SLC16A2: variants seen among roughly 807,000 people sequenced by gnomAD.
The protein encoded by SLC16A2 is solute carrier family 16 member 2.
In SLC16A2, 3 loss-of-function variants were observed where a neutral mutation model predicts 27.2. The ratio of observed to expected loss-of-function variants is 0.11; its 90% CI spans 0.05 to 0.28. The LOEUF (loss-of-function observed/expected upper bound fraction) is 0.28, where lower values mean the gene tolerates loss of function less well. Ranked by LOEUF, SLC16A2 falls within the 10% of genes least tolerant of loss-of-function variation. The probability of loss-of-function intolerance (pLI) is 1.00; values close to 1 mark genes in which losing one functional copy is unlikely to be tolerated. For synonymous variants in SLC16A2, 202 were observed against 187.8 expected, an observed-to-expected ratio of 1.08 and a Z score of -0.62; for missense variants, 295 against 458.5, an observed-to-expected ratio of 0.64 and a Z score of 3.26.
rs1409778783 is a variant in SLC16A2 at position 74,514,532 on chromosome X, C to G, written c.431-6458C>G. On this transcript the variant is annotated intron_variant, in intron 1 of 5. Transcript: ENST00000587091. ...GGAAGCCAGGAATTTCTTCCCCTCTCAGCAGTAACAAGGCCTACCCCTCCC... is the reference window on the plus strand; with the variant it reads ...GGAAGCCAGGAATTTCTTCCCCTCTGAGCAGTAACAAGGCCTACCCCTCCC... 3.6e-5 allele frequency among the ~76,000 whole-genome samples: 4 copies of G among 111,248 alleles called. No individual in the cohort carries two copies. In the East Asian group the frequency reaches 1.1e-3, roughly 32 times the overall value.
chrX:74,439,158 CTCTT>C (rs765500073), intron 1 of SLC16A2, among the ~76,000 whole-genome samples: 141 of 62,198 alleles, frequency 2.3e-3, no homozygotes, highest in South Asian at 0.014. Flanking sequence ...GCTTGCTCAA[CTCTT>C]TCTTTCTTTC....
chrX:74,454,718 A>G (rs1929011512), intron 1 of SLC16A2, among the ~76,000 whole-genome samples: 1 of 110,263 alleles, frequency 9.1e-6, no homozygotes, highest in Non-Finnish European at 1.9e-5. Flanking sequence ...CCTAAAACTT[A>G]AAATAAAAAA....
At chrX:74,458,444 G>A (rs1006244003) in intron 1 of SLC16A2, among the ~76,000 whole-genome samples, 3 of 111,396 alleles carry the variant, frequency 2.7e-5, no homozygotes, top group Non-Finnish European at 5.7e-5. Flanking sequence ...CACCTCCTTG[G>A]TTCAAGCGAT....
intron 1 of SLC16A2, chrX:74,476,890 T>C (rs916376211): frequency 1.8e-5 from 2 of 112,035 alleles, no homozygotes; most frequent in African/African-American, 3.3e-5. Context: ...CAGTATTTTA[T>C]TGAGGATTTT....
intron 1 of SLC16A2, among the ~76,000 whole-genome samples, chrX:74,466,242 A>G (rs1929248086): frequency 9.0e-6 from 1 of 111,360 alleles, no homozygotes; most frequent in Non-Finnish European, 1.9e-5. Context: ...CTAAAAAGCT[A>G]TGAAAGCCAA....
chrX:74,456,938 T>C (rs753812903), intron 1 of SLC16A2, among the ~76,000 whole-genome samples: 22 of 112,118 alleles, frequency 2.0e-4, no homozygotes, highest in Non-Finnish European at 3.9e-4. Context: ...CACACAGTAA[T>C]GCAGTGGCAG....
At chrX:74,524,236 G>A (rs1283779988) in intron 2 of SLC16A2, 123 bp from the exon 3 acceptor site, 6 of 680,245 alleles carry the variant, frequency 8.8e-6, no homozygotes, top group Admixed American at 5.2e-5. Context: ...TGTTCTGAGG[G>A]TCAGTGGCAA....
intron 1 of SLC16A2, among the ~76,000 whole-genome samples, chrX:74,508,436 TA>T (rs757322103): frequency 4.5e-5 from 5 of 112,260 alleles, no homozygotes; most frequent in Admixed American, 9.5e-5. Flanking sequence ...TATCCATAAG[TA>T]TTACAAATTT....
intron 5 of SLC16A2, among the ~76,000 whole-genome samples, chrX:74,530,395 C>T (rs989955719): frequency 7.1e-5 from 8 of 112,139 alleles, no homozygotes; most frequent in African/African-American, 2.3e-4. Flanking sequence ...CCACCACACC[C>T]GGCAACTCCA....
At chrX:74,531,234 T>C (rs144160924) in intron 5 of SLC16A2, 99 bp from the exon 6 acceptor site, 2 of 694,766 alleles carry the variant, frequency 2.9e-6, no homozygotes, top group Non-Finnish European at 4.6e-6. Flanking sequence ...ACGCCAAGAT[T>C]ATCTGGATAG....
chrX:74,501,595 C>G (rs1389042520), intron 1 of SLC16A2, among the ~76,000 whole-genome samples: 2 of 111,253 alleles, frequency 1.8e-5, no homozygotes, highest in Non-Finnish European at 3.8e-5. Context: ...GGTGGGCCCC[C>G]CCTCTGCTCC....
chrX:74,517,743 T>C (rs1006673753), intron 1 of SLC16A2, among the ~76,000 whole-genome samples: 45 of 111,835 alleles, frequency 4.0e-4, no homozygotes, highest in African/African-American at 1.5e-3. Context: ...AAGATGAAAC[T>C]TGATAACATT....
intron 1 of SLC16A2, among the ~76,000 whole-genome samples, chrX:74,431,883 C>T (rs1186017059): frequency 9.0e-6 from 1 of 111,307 alleles, no homozygotes; most frequent in African/African-American, 3.3e-5. Flanking sequence ...TATTTCCTCC[C>T]CATCTCCCAC....
intron 1 of SLC16A2, among the ~76,000 whole-genome samples, chrX:74,487,040 T>C (rs1929734021): frequency 8.9e-6 from 1 of 112,082 alleles, no homozygotes; most frequent in African/African-American, 3.2e-5. Flanking sequence ...TTAAATTTTA[T>C]AATTCTATTA....
chrX:74,529,068 G>T, intron 4 of SLC16A2, 145 bp from the exon 5 acceptor site: 2 of 465,682 alleles, frequency 4.3e-6, no homozygotes, highest in Non-Finnish European at 3.8e-6. Context: ...TAACCATTCA[G>T]CCCAACTGCT....
At chrX:74,527,488 T>C (rs1930502044) in intron 4 of SLC16A2, among the ~76,000 whole-genome samples, 1 of 112,179 alleles carries the variant, frequency 8.9e-6, no homozygotes, top group African/African-American at 3.2e-5. Context: ...CTTCAGGTTC[T>C]GAAGAGCTAT....
At chrX:74,450,069 A>G (rs146784318) in intron 1 of SLC16A2, among the ~76,000 whole-genome samples, 135 of 112,096 alleles carry the variant, frequency 1.2e-3, no homozygotes, top group African/African-American at 4.2e-3. Flanking sequence ...ACTAATAAAT[A>G]GATAATTTAA....
chrX:74,466,285 C>A (rs754218440), intron 1 of SLC16A2, among the ~76,000 whole-genome samples: 91 of 111,479 alleles, frequency 8.2e-4, no homozygotes, highest in Middle Eastern at 4.6e-3. Context: ...TCTCCACCCC[C>A]TTTCCTGACT....
intron 1 of SLC16A2, among the ~76,000 whole-genome samples, chrX:74,496,276 GCACACACACACA>G (rs58357405): frequency 2.7e-5 from 1 of 37,103 alleles, no homozygotes; most frequent in Admixed American, 3.0e-4. Context: ...ACACACACAC[GCACACACACACA>G]CACACACCCC....
Sources: gnomAD v4.1 joint callset for allele counts (sites outside exome capture counted in the v4.1 genomes callset) on GRCh38, gnomAD v4.1.1 for gene constraint, MANE v1.5 for transcripts, NCBI Gene and HGNC (gene_info 2026-07-23, HGNC 2026-07-21) for gene names.